ADGRB3: variants seen among roughly 807,000 people sequenced by gnomAD.
ADGRB3 encodes the protein adhesion G protein-coupled receptor B3, also known as brain-specific angiogenesis inhibitor 3.
ADGRB3 carries 37 observed loss-of-function variants against 193.4 expected under a neutral mutation model. The ratio of observed to expected loss-of-function variants is 0.19; its 90% CI spans 0.15 to 0.25. The LOEUF (loss-of-function observed/expected upper bound fraction) is 0.25, where lower values mean the gene tolerates loss of function less well. Ranked by LOEUF, ADGRB3 falls within the 10% of genes least tolerant of loss-of-function variation. ADGRB3 has a pLI of 1.00. For missense variants in ADGRB3, 1,637 were observed against 1,852.9 expected (o/e 0.88, Z 2.14); for synonymous variants, 690 against 644.2 (o/e 1.07, Z -1.08).
chr6:69,274,611 C>T, intron 20 of ADGRB3, among the ~76,000 whole-genome samples: 1 of 139,560 alleles, frequency 7.2e-6, no homozygotes, highest in African/African-American at 2.6e-5. Context: ...CCCTCCCTCC[C>T]TCCCTCCCTC....
Position 69,063,487 on chromosome 6 carries a change from T to C in ADGRB3, c.2436+451T>C, listed in dbSNP as rs147988073. 9.5e-3 allele frequency among the ~76,000 whole-genome samples: 1,450 copies of C among 152,156 alleles called. 25 individuals are homozygous for C. Among genetic ancestry groups the C allele is most frequent in the African/African-American group, 0.033 (1,384 of 41,552 alleles). On this transcript the variant is annotated intron_variant, in intron 16 of 31. Coordinates refer to ENST00000370598, the MANE Select transcript of ADGRB3 (RefSeq NM_001704.3). ...TACTTAAAATTGGTGAGTTTTATCTTTAAATAAAACTTGATCTCACTATGT... is the reference window on the plus strand; with the variant it reads ...TACTTAAAATTGGTGAGTTTTATCTCTAAATAAAACTTGATCTCACTATGT...
chr6:69,277,155 C>T (rs1767320685), intron 20 of ADGRB3, among the ~76,000 whole-genome samples: 1 of 151,856 alleles, frequency 6.6e-6, no homozygotes, highest in African/African-American at 2.4e-5. Flanking sequence ...CCACCATGCC[C>T]AGCTAATATT....
intron 6 of ADGRB3, among the ~76,000 whole-genome samples, chr6:68,945,898 G>A (rs1767764169): frequency 6.6e-6 from 1 of 152,114 alleles, no homozygotes; most frequent in Non-Finnish European, 1.5e-5. Flanking sequence ...TTGGATATTA[G>A]TGGTATTATC....
chr6:68,870,378 T>C (rs1765423571), intron 3 of ADGRB3, among the ~76,000 whole-genome samples: 1 of 152,244 alleles, frequency 6.6e-6, no homozygotes, highest in Admixed American at 6.5e-5. Flanking sequence ...CATAGAATTC[T>C]TTATTATCAG....
At chr6:69,001,498 GA>G (rs1300361919) in intron 11 of ADGRB3, among the ~76,000 whole-genome samples, 1 of 152,146 alleles carries the variant, frequency 6.6e-6, no homozygotes, top group Non-Finnish European at 1.5e-5. Context: ...GGTGAGTAGA[GA>G]AAGAGTGGGG....
chr6:69,360,238 T>G (rs904413381), intron 28 of ADGRB3, among the ~76,000 whole-genome samples: 3 of 152,026 alleles, frequency 2.0e-5, no homozygotes, highest in African/African-American at 7.2e-5. Context: ...ATAGATTAAT[T>G]TTTTAAATTT....
chr6:69,126,182 A>G (rs1243352160), intron 17 of ADGRB3, among the ~76,000 whole-genome samples: 14 of 151,152 alleles, frequency 9.3e-5, no homozygotes, highest in Admixed American at 2.0e-4. Context: ...AGATTTCCCC[A>G]GAGAAACAGA....
intron 29 of ADGRB3, among the ~76,000 whole-genome samples, chr6:69,367,517 A>G (rs1039033950): frequency 2.6e-5 from 4 of 151,962 alleles, no homozygotes; most frequent in Admixed American, 2.6e-4. Context: ...CATCCTCTCC[A>G]GCACCTGTTG....
chr6:69,048,566 C>A (rs1023480963), intron 14 of ADGRB3, among the ~76,000 whole-genome samples: 2 of 151,912 alleles, frequency 1.3e-5, no homozygotes. Context: ...AAATTATCGA[C>A]CTGAGTTTGA....
At chr6:68,786,735 T>A (rs1415218394) in intron 3 of ADGRB3, among the ~76,000 whole-genome samples, 1 of 151,212 alleles carries the variant, frequency 6.6e-6, no homozygotes, top group Non-Finnish European at 1.5e-5. Context: ...ATCTATAAAT[T>A]ACCTTGGGCA....
In ADGRB3 at chr6:69,388,729, A is replaced by T. The variant is rs774150966; in HGVS notation, c.4407A>T (p.Pro1469=). ...AAAACCCCGCACCAAACAAGAATCCATGGGACACTTTCAAAAACCCCAGTG... is the reference window on the plus strand; with the variant it reads ...AAAACCCCGCACCAAACAAGAATCCTTGGGACACTTTCAAAAACCCCAGTG... The part of the protein sequence containing the change: ...SMENPAPNKN[P]WDTFKNPSEY... The change falls in exon 32 of 32, where the codon CCA becomes CCT. Residue 1469 remains proline, a synonymous_variant. Coordinates refer to ENST00000370598, the MANE Select transcript of ADGRB3 (RefSeq NM_001704.3). The T allele has an allele frequency of 6.2e-7, 1 of 1,613,282 alleles. No individual in the cohort carries two copies. Among genetic ancestry groups the T allele is most frequent in the South Asian group, 1.1e-5 (1 of 91,042 alleles).
intron 3 of ADGRB3, among the ~76,000 whole-genome samples, chr6:68,705,515 C>A (rs1765312045): frequency 6.6e-6 from 1 of 152,144 alleles, no homozygotes; most frequent in Non-Finnish European, 1.5e-5. Flanking sequence ...TGGAATCAAA[C>A]AATCTAGGCT....
chr6:69,363,366 A>C (rs765561705), intron 29 of ADGRB3, among the ~76,000 whole-genome samples: 3 of 152,038 alleles, frequency 2.0e-5, no homozygotes, highest in Non-Finnish European at 2.9e-5. Context: ...ATGAGATAGC[A>C]GAAAGAGAAT....
rs183186954 is a variant in ADGRB3 at position 69,011,390 on chromosome 6, C to A, written c.1930-2648C>A. On this transcript the variant is annotated intron_variant, in intron 11 of 31. Transcript: ENST00000370598. Reference sequence around the variant, plus strand: ...TAATGCAGGAACAGAAAACCAAATACTGCATGTTCTCACTTATAAGTGGGA... The same window carrying A: ...TAATGCAGGAACAGAAAACCAAATAATGCATGTTCTCACTTATAAGTGGGA... Among the ~76,000 whole-genome samples the A allele has an allele frequency of 5.3e-5, 8 of 152,038 alleles. No homozygotes were observed. In the East Asian group the frequency reaches 1.6e-3, roughly 30 times the overall value.
At chr6:69,375,827 C>T (rs958799520) in intron 30 of ADGRB3, among the ~76,000 whole-genome samples, 2 of 151,888 alleles carry the variant, frequency 1.3e-5, no homozygotes, top group African/African-American at 2.4e-5. Flanking sequence ...CCTGTAATCC[C>T]GGCTACTTGG....
chr6:68,676,817 C>A (rs1022146300), intron 3 of ADGRB3, among the ~76,000 whole-genome samples: 2 of 152,030 alleles, frequency 1.3e-5, no homozygotes, highest in Admixed American at 1.3e-4. Context: ...CTCTAAGTTA[C>A]CAAGGGTTTC....
At chr6:68,753,203 T>C (rs961027244) in intron 3 of ADGRB3, among the ~76,000 whole-genome samples, 3 of 152,178 alleles carry the variant, frequency 2.0e-5, no homozygotes, top group Non-Finnish European at 4.4e-5. Flanking sequence ...TATCAATGAA[T>C]CTGTAATACT....
At chr6:69,155,053 A>C (rs1240891743) in intron 17 of ADGRB3, among the ~76,000 whole-genome samples, 1 of 152,236 alleles carries the variant, frequency 6.6e-6, no homozygotes, top group African/African-American at 2.4e-5. Flanking sequence ...TTTAAGTAGC[A>C]ATGAAAGTCT....
chr6:68,928,586 AT>A (rs1341609455), intron 3 of ADGRB3, among the ~76,000 whole-genome samples: 2 of 152,002 alleles, frequency 1.3e-5, no homozygotes. Context: ...AAAATAAACC[AT>A]TTTCCTTAGA....
Sources: gnomAD v4.1 joint callset for allele counts (sites outside exome capture counted in the v4.1 genomes callset) on GRCh38, gnomAD v4.1.1 for gene constraint, MANE v1.5 for transcripts, NCBI Gene and HGNC (gene_info 2026-07-23, HGNC 2026-07-21) for gene names.